The following HDLBP variants were observed in gnomAD, a reference collection of about 807,000 sequenced individuals.
HDLBP encodes vigilin.
In HDLBP, 30 loss-of-function variants were observed where a neutral mutation model predicts 137.3. The ratio of observed to expected loss-of-function variants is 0.22; its 90% CI spans 0.16 to 0.30. The LOEUF is 0.30. Ranked by LOEUF, HDLBP falls within the 10% of genes least tolerant of loss-of-function variation. HDLBP has a pLI of 1.00. For missense variants in HDLBP, 1,119 were observed against 1,667.3 expected, an observed-to-expected ratio of 0.67 and a Z score of 5.73; for synonymous variants, 606 against 596.0, an observed-to-expected ratio of 1.02 and a Z score of -0.24.
At chr2:241,246,990 C>T (rs1377381719) in intron 15 of HDLBP, 66 bp downstream of exon 15, 59 of 1,570,550 alleles carry the variant, frequency 3.8e-5, no homozygotes, top group Non-Finnish European at 4.8e-5. Context: ...TAGTCTAAAA[C>T]CAAAATGGTG....
At chr2:241,253,850 G>A (rs2072400658) in intron 9 of HDLBP, among the ~76,000 whole-genome samples, 1 of 152,216 alleles carries the variant, frequency 6.6e-6, no homozygotes, top group African/African-American at 2.4e-5. Context: ...ACAGAGCACG[G>A]ATGGAATTTT....
intron 5 of HDLBP, among the ~76,000 whole-genome samples, chr2:241,261,194 CAAA>C (rs5839776): frequency 2.8e-5 from 3 of 106,650 alleles, no homozygotes; most frequent in Non-Finnish European, 3.6e-5. Flanking sequence ...GATCCTGTCT[CAAA>C]AAAAAAAAAA....
chr2:241,235,082 C>T, intron 23 of HDLBP, 39 bp downstream of exon 23: 2 of 1,604,998 alleles, frequency 1.2e-6, no homozygotes, highest in African/African-American at 1.3e-5. Flanking sequence ...AAGCTGAGCA[C>T]CATGGCTCTG....
intron 1 of HDLBP, chr2:241,270,865 G>A (rs1019322134): frequency 7.8e-6 from 5 of 642,884 alleles, no homozygotes; most frequent in South Asian, 6.8e-5. Context: ...AGATACCCAA[G>A]AACAGAGGCT....
intron 1 of HDLBP, among the ~76,000 whole-genome samples, chr2:241,307,399 G>A (rs186428299): frequency 1.2e-3 from 176 of 152,294 alleles, no homozygotes; most frequent in African/African-American, 4.0e-3. Flanking sequence ...GGGGTCTCTG[G>A]GATACAGCTA....
intron 5 of HDLBP, among the ~76,000 whole-genome samples, chr2:241,259,108 G>C (rs188389732): frequency 6.6e-6 from 1 of 152,118 alleles, no homozygotes; most frequent in African/African-American, 2.4e-5. Context: ...ATTACAGTAC[G>C]CCCACAGAAT....
chr2:241,311,166 G>A (rs1039136586), intron 1 of HDLBP, among the ~76,000 whole-genome samples: 4 of 152,026 alleles, frequency 2.6e-5, no homozygotes, highest in Non-Finnish European at 4.4e-5. Flanking sequence ...AAAACCTTCA[G>A]GTTTCATGGA....
rs1188596171 is a variant in HDLBP at position 241,252,419 on chromosome 2, T to C, written c.1372+538A>G. On this transcript the variant is annotated intron_variant, in intron 11 of 27. Transcript: ENST00000310931. Reference sequence around the variant, plus strand: ...CAGGAGGCTGAAGCTGGAGAATTGCTTGAGCCCGGTAGGCAGAGGTTGTAG... The same window carrying C: ...CAGGAGGCTGAAGCTGGAGAATTGCCTGAGCCCGGTAGGCAGAGGTTGTAG... Among the ~76,000 whole-genome samples the C allele has an allele frequency of 3.3e-5, 5 of 152,174 alleles. No individual in the cohort carries two copies. The East Asian group carries it at 9.6e-4, about 29-fold the overall frequency.
chr2:241,300,230 T>C (rs1230530721), intron 1 of HDLBP, among the ~76,000 whole-genome samples: 1 of 151,924 alleles, frequency 6.6e-6, no homozygotes, highest in Non-Finnish European at 1.5e-5. Context: ...TTCTTCCTAG[T>C]AGAAGGCGGG....
At chr2:241,270,486 A>T (rs755351531) in intron 1 of HDLBP, among the ~76,000 whole-genome samples, 4 of 152,186 alleles carry the variant, frequency 2.6e-5, no homozygotes, top group Non-Finnish European at 5.9e-5. Flanking sequence ...CAACTCAAAA[A>T]CCTGTTTTCG....
chr2:241,266,810 A>C lies in HDLBP; in HGVS notation c.60T>G (p.Val20=). The change falls in exon 3 of 28, where the codon GTT becomes GTG. Residue 20 remains valine, a synonymous_variant. Transcript: ENST00000310931. ...ESFAEHRSGL[V]PQQIKVATLN... is the part of the protein sequence containing the mutation. ...GGCTGTCACCTTTGATTTGTTGCGGAACCAGCCCACTTCGGTGTTCAGCAA... is the reference window on the plus strand; with the variant it reads ...GGCTGTCACCTTTGATTTGTTGCGGCACCAGCCCACTTCGGTGTTCAGCAA... The C allele has an allele frequency of 6.2e-7, 1 of 1,611,562 alleles. No homozygotes were observed. The highest frequency in any genetic ancestry group is 8.5e-7 in the Non-Finnish European group (1 of 1,177,654).
At chr2:241,257,908 A>T (rs1014391779) in intron 5 of HDLBP, among the ~76,000 whole-genome samples, 1 of 152,196 alleles carries the variant, frequency 6.6e-6, no homozygotes, top group African/African-American at 2.4e-5. Context: ...AACAGAGCTA[A>T]GTTAATATAA....
chr2:241,287,317 G>T (rs2074852267), intron 1 of HDLBP, among the ~76,000 whole-genome samples: 1 of 151,476 alleles, frequency 6.6e-6, no homozygotes, highest in Non-Finnish European at 1.5e-5. Flanking sequence ...CACATTGTTG[G>T]CCAGGCTGGT....
chr2:241,229,548 G>A lies in HDLBP; in HGVS notation c.*53C>T, dbSNP rs1478125723. ...CTGGGTCAGATTGAGACAAACCATT[G>A]TGTGGTTGGGTTTGGGTCAGCAGGC... is the stretch of plus-strand genomic sequence containing the variant. On this transcript the variant is annotated 3_prime_UTR_variant, in exon 28 of 28. Coordinates refer to ENST00000310931, the MANE Select transcript of HDLBP (RefSeq NM_005336.6). 1.5e-6 allele frequency: 2 copies of A among 1,304,072 alleles called. No individual in the cohort carries two copies. The highest frequency in any genetic ancestry group is 2.2e-6 in the Non-Finnish European group (2 of 903,950). The allele number at this position is 1,304,072 out of a possible 1,614,324, so 80.8% of individuals were successfully genotyped here.
At chr2:241,256,891 A>G in intron 5 of HDLBP, 85 bp from the exon 6 acceptor site, 1 of 1,168,852 alleles carries the variant, frequency 8.6e-7, no homozygotes, top group Non-Finnish European at 1.3e-6. Context: ...TGGCAGAAAC[A>G]CCATCTTTGC....
chr2:241,247,981 A>G (rs2071809470), intron 14 of HDLBP, 22 bp downstream of exon 14: 2 of 1,547,690 alleles, frequency 1.3e-6, no homozygotes, highest in South Asian at 2.2e-5. Context: ...GTCATACAAG[A>G]AAGGATGTGA....
At chr2:241,235,384 A>C in intron 22 of HDLBP, 106 bp downstream of exon 22, 1 of 1,480,380 alleles carries the variant, frequency 6.8e-7, no homozygotes, top group South Asian at 1.2e-5. Context: ...GCCCAGTCCG[A>C]GCAGGAGGAG....
intron 1 of HDLBP, among the ~76,000 whole-genome samples, chr2:241,280,836 G>A (rs2074568098): frequency 6.6e-6 from 1 of 152,166 alleles, no homozygotes; most frequent in African/African-American, 2.4e-5. Context: ...AAAAGAACCT[G>A]CCCTTTAATA....
chr2:241,294,744 C>T (rs1217215206), intron 1 of HDLBP, among the ~76,000 whole-genome samples: 1 of 152,152 alleles, frequency 6.6e-6, no homozygotes, highest in Admixed American at 6.5e-5. Context: ...GACATCATGA[C>T]TAAGAATGGT....
Sources: gnomAD v4.1 joint callset for allele counts (sites outside exome capture counted in the v4.1 genomes callset) on GRCh38, gnomAD v4.1.1 for gene constraint, MANE v1.5 for transcripts, NCBI Gene and HGNC (gene_info 2026-07-23, HGNC 2026-07-21) for gene names.